The following CLEC16A variants were observed in gnomAD, a reference collection of about 807,000 sequenced individuals.
CLEC16A encodes C-type lectin domain containing 16A.
A neutral mutation model predicts 109.5 loss-of-function variants in CLEC16A; 51 were observed. The ratio of observed to expected loss-of-function variants is 0.47; its 90% CI spans 0.37 to 0.59. The LOEUF (loss-of-function observed/expected upper bound fraction) is 0.59, where lower values mean the gene tolerates loss of function less well. Ranked by LOEUF, CLEC16A falls within the 20% of genes least tolerant of loss-of-function variation. The pLI, the probability that CLEC16A is intolerant of heterozygous loss-of-function variation, is 0.00. For synonymous variants in CLEC16A, 673 were observed against 564.2 expected (o/e 1.19, Z -2.73); for missense variants, 1,339 against 1,394.0 (o/e 0.96, Z 0.63).
chr16:11,137,725 C>T (rs1042932031), intron 22 of CLEC16A, among the ~76,000 whole-genome samples: 4 of 151,716 alleles, frequency 2.6e-5, no homozygotes, highest in African/African-American at 9.7e-5. Context: ...AGGAGAATTG[C>T]TTGGACCTGG....
At chr16:10,962,309 G>A in intron 2 of CLEC16A, 146 bp from the exon 3 acceptor site, 2 of 822,294 alleles carry the variant, frequency 2.4e-6, no homozygotes, top group Non-Finnish European at 3.9e-6. Context: ...TCCAGTTGTG[G>A]CGGGTGACAA....
intron 11 of CLEC16A, among the ~76,000 whole-genome samples, chr16:11,017,657 T>C (rs1305243727): frequency 6.6e-6 from 1 of 152,168 alleles, no homozygotes; most frequent in Non-Finnish European, 1.5e-5. Flanking sequence ...TCAACAGTTA[T>C]AAGTCATATT....
intron 19 of CLEC16A, among the ~76,000 whole-genome samples, chr16:11,075,098 A>G (rs1471058323): frequency 6.6e-6 from 1 of 152,164 alleles, no homozygotes; most frequent in East Asian, 1.9e-4. Flanking sequence ...CTCAAGAAAA[A>G]ATATCTATAT....
intron 19 of CLEC16A, among the ~76,000 whole-genome samples, chr16:11,118,245 C>T (rs1214029250): frequency 6.6e-6 from 1 of 152,182 alleles, no homozygotes; most frequent in Non-Finnish European, 1.5e-5. Flanking sequence ...CAAACCACTG[C>T]ACCCAGCTGG....
intron 19 of CLEC16A, among the ~76,000 whole-genome samples, chr16:11,115,154 CTG>C (rs1189656230): frequency 1.1e-4 from 17 of 152,280 alleles, no homozygotes; most frequent in Middle Eastern, 3.4e-3. Context: ...ACGTGTATGA[CTG>C]TGTCCGTTTT....
intron 8 of CLEC16A, 51 bp downstream of exon 8, chr16:10,977,450 A>G (rs2043083788): frequency 9.8e-6 from 15 of 1,537,782 alleles, no homozygotes; most frequent in Non-Finnish European, 1.3e-5. Flanking sequence ...AGAAGTGGGG[A>G]AGAACAGTCC....
Position 10,944,731 on chromosome 16 carries a change from C to A in CLEC16A, c.14C>A (p.Ser5Ter). The A allele has an allele frequency of 6.2e-7, 1 of 1,608,170 alleles. No homozygotes were observed. Among genetic ancestry groups the A allele is most frequent in the South Asian group, 1.1e-5 (1 of 90,000 alleles). The change falls in exon 1 of 24, where the codon TCG becomes TAG. Residue 5 changes from serine to a stop codon, truncating the protein, a stop_gained. Transcript: ENST00000409790. LOFTEE classifies it high-confidence loss of function. MFGR[S>*]RSWVGGGHGK... is the part of the protein sequence containing the mutation. The stretch of plus-strand genomic sequence containing the variant: ...GGGGCCGCCGACATGTTTGGCCGCT[C>A]GCGGAGCTGGGTGGGCGGGGGCCAT...
At chr16:10,949,603 C>G (rs111352543) in intron 1 of CLEC16A, among the ~76,000 whole-genome samples, 33,761 of 152,050 alleles carry the variant, frequency 0.22, 4,641 homozygotes, top group African/African-American at 0.39. Context: ...CCATGCTTGG[C>G]AGTCTCCAGA....
rs143651984 is a variant in CLEC16A, at chr16:10,949,942, A to G, written c.80+5145A>G. On this transcript the variant is annotated intron_variant, in intron 1 of 23. Transcript: ENST00000409790. ...TTTCCTCCTGCCCATCCAAATCCCT[A>G]GCTCTATCCCGAAAATGCCAGTTCT... Among the ~76,000 whole-genome samples the G allele has an allele frequency of 9.6e-4, 146 of 152,292 alleles. 2 individuals carry two copies. The highest frequency in any genetic ancestry group is 8.1e-3 in the South Asian group (39 of 4,824).
chr16:11,098,335 G>A (rs575322687), intron 19 of CLEC16A, among the ~76,000 whole-genome samples: 2 of 152,244 alleles, frequency 1.3e-5, no homozygotes, highest in African/African-American at 2.4e-5. Flanking sequence ...TGTGCACGCC[G>A]AGGATGCAGA....
chr16:10,978,433 T>TA (rs1013322225), intron 8 of CLEC16A, among the ~76,000 whole-genome samples: 3 of 152,110 alleles, frequency 2.0e-5, no homozygotes, highest in Admixed American at 2.0e-4. Flanking sequence ...GATGAGTAAA[T>TA]AAAAGAAAGT....
chr16:11,026,327 T>G (rs1411820356), intron 13 of CLEC16A, among the ~76,000 whole-genome samples: 1 of 152,234 alleles, frequency 6.6e-6, no homozygotes, highest in Non-Finnish European at 1.5e-5. Flanking sequence ...ACCACTCAAT[T>G]TCTTCAGTAG....
chr16:11,133,926 A>T (rs1243877562), intron 22 of CLEC16A, among the ~76,000 whole-genome samples: 1 of 152,280 alleles, frequency 6.6e-6, no homozygotes, highest in Non-Finnish European at 1.5e-5. Context: ...TCCGTGAGTT[A>T]TGGAAATTTG....
At chr16:11,143,916 C>A (rs1016030040) in intron 22 of CLEC16A, among the ~76,000 whole-genome samples, 2 of 152,204 alleles carry the variant, frequency 1.3e-5, no homozygotes, top group Admixed American at 1.3e-4. Context: ...CCCTGGCCTC[C>A]TGCTCTGTGT....
At chr16:10,966,737 C>T (rs1223846187) in intron 3 of CLEC16A, among the ~76,000 whole-genome samples, 1 of 152,160 alleles carries the variant, frequency 6.6e-6, no homozygotes, top group African/African-American at 2.4e-5. Flanking sequence ...CCTTACAAAA[C>T]CATCACATCT....
chr16:11,129,727 G>C (rs1008950026), intron 22 of CLEC16A, among the ~76,000 whole-genome samples: 1 of 151,340 alleles, frequency 6.6e-6, no homozygotes, highest in Non-Finnish European at 1.5e-5. Context: ...TCCTGGCTAG[G>C]GTTGTCCCCT....
At chr16:11,067,425 T>TGG (rs2048833563) in intron 19 of CLEC16A, among the ~76,000 whole-genome samples, 1 of 151,432 alleles carries the variant, frequency 6.6e-6, no homozygotes, top group African/African-American at 2.4e-5. Flanking sequence ...AGGGGGGGTG[T>TGG]GGGTGCCGAG....
At chr16:10,990,965 T>A (rs1322134353) in intron 10 of CLEC16A, among the ~76,000 whole-genome samples, 1 of 152,172 alleles carries the variant, frequency 6.6e-6, no homozygotes, top group Non-Finnish European at 1.5e-5. Context: ...TCAGTATTAT[T>A]TATTCAGATA....
At position 11,178,624 on chromosome 16, in the gene CLEC16A, C is replaced by A; in HGVS notation, c.3096C>A (p.Ala1032=). ...TGCCCCCGCTGTCCACGCCGGCTGC[C>A]GCCTGCACAGAGCCCGTGGGCGAAG... The part of the protein sequence containing the change: ...TGMPPLSTPA[A]ACTEPVGEEA... Residue 1032 remains alanine (A), a synonymous_variant, in exon 24 of 24, where the codon GCC becomes GCA. Transcript: ENST00000409790. This position sits in a 1 kb window ranked among gnomAD's most constrained non-coding sequence, Gnocchi z 6.5. 1 of 1,597,888 alleles carries A rather than the reference C, an allele frequency of 6.3e-7. No individual in the cohort carries two copies. Among genetic ancestry groups the A allele is most frequent in the East Asian group, 2.2e-5 (1 of 44,514 alleles).
Sources: allele counts gnomAD v4.1 joint callset (sites outside exome capture counted in the v4.1 genomes callset), GRCh38; gene constraint gnomAD v4.1.1; non-coding constraint Gnocchi (gnomAD v3.1); transcripts MANE v1.5; gene names NCBI Gene and HGNC (gene_info 2026-07-23, HGNC 2026-07-21).